ABCF1: variants seen among roughly 807,000 people sequenced by gnomAD.
ABCF1 encodes the protein ATP binding cassette subfamily F member 1, also known as ATP-binding cassette sub-family F member 1.
A neutral mutation model predicts 126.3 loss-of-function variants in ABCF1; 73 were observed. That is an observed-to-expected ratio of 0.58 (90% CI 0.48 to 0.70). ABCF1 has a LOEUF of 0.70. Among genes scored for constraint, ABCF1 ranks in the 30% least tolerant of loss-of-function variants. The pLI, the probability that ABCF1 is intolerant of heterozygous loss-of-function variation, is 0.00. For synonymous variants in ABCF1, 345 were observed against 396.4 expected, an observed-to-expected ratio of 0.87 and a Z score of 1.54; for missense variants, 786 against 1,057.5, an observed-to-expected ratio of 0.74 and a Z score of 3.56.
chr6:30,584,459 G>T lies in ABCF1; in HGVS notation c.1284G>T (p.Glu428Asp), dbSNP rs1159413189. ...ELRATGAAAAEAKARRILAGL... is the reference protein window; with the variant it reads ...ELRATGAAAADAKARRILAGL... ...GGGCCACTGGGGCGGCAGCTGCAGA[G>T]GCCAAAGCACGGCGGATCCTGGCTG... Residue 428 changes from glutamate (E) to aspartate (D), a missense_variant, in exon 14 of 25, where the codon GAG becomes GAT. Physicochemically the swap from Glu to Asp is conservative, Grantham distance 45. This residue lies in a region of ABCF1 where 163 missense variants were observed against 255.3 expected (regional missense o/e 0.64). Coordinates refer to ENST00000326195, the MANE Select transcript of ABCF1 (RefSeq NM_001025091.2). This position sits in a 1 kb window ranked among gnomAD's most constrained non-coding sequence, Gnocchi z 4.6. The T allele has an allele frequency of 3.1e-6, 5 of 1,612,998 alleles. No individual in the cohort carries two copies.
Position 30,586,111 on chromosome 6 carries a change from T to C in ABCF1, c.1714-23T>C, listed in dbSNP as rs962408251. 6.2e-7 allele frequency: 1 copy of C among 1,607,252 alleles called. No individual in the cohort carries two copies. Among genetic ancestry groups the C allele is most frequent in the Non-Finnish European group, 8.5e-7 (1 of 1,177,638 alleles). ...GACTGCCGCGCAGGGCTCAGGTTTC[T>C]CTTTTTTCCTCTTCCTCTCCAGGAA... On this transcript the variant is annotated intron_variant, in intron 17 of 24. Transcript: ENST00000326195. The surrounding 1 kb of genome is among the most constrained non-coding windows in gnomAD (Gnocchi z 4.9).
intron 1 of ABCF1, 76 bp from the exon 2 acceptor site, chr6:30,577,333 A>G: frequency 7.2e-7 from 1 of 1,389,624 alleles, no homozygotes; most frequent in Non-Finnish European, 1.0e-6. Flanking sequence ...TAGAGGCTAC[A>G]GAGATCTTTG....
At position 30,590,774 on chromosome 6, in the gene ABCF1, T is replaced by A; in HGVS notation, c.*73T>A. Reference sequence around the variant, plus strand: ...AAGTCCTCTGTGGTCTCCCCTCCTCTGAAGACTGCCTCTGGCCTGCAGCTG... The same window carrying A: ...AAGTCCTCTGTGGTCTCCCCTCCTCAGAAGACTGCCTCTGGCCTGCAGCTG... On this transcript the variant is annotated 3_prime_UTR_variant, in exon 25 of 25. Coordinates refer to ENST00000326195, the MANE Select transcript of ABCF1 (RefSeq NM_001025091.2). 6.7e-7 allele frequency: 1 copy of A among 1,496,990 alleles called. No homozygotes were observed. The highest frequency in any genetic ancestry group is 1.4e-5 in the African/African-American group (1 of 71,578). 92.7% of individuals were successfully genotyped at this position (1,496,990 alleles called of 1,614,324 possible).
chr6:30,583,973 T>C lies in ABCF1; in HGVS notation c.1102+83T>C. 2.6e-6 allele frequency: 4 copies of C among 1,526,476 alleles called. No individual in the cohort carries two copies. Among genetic ancestry groups the C allele is most frequent in the Non-Finnish European group, 3.6e-6 (4 of 1,110,504 alleles). 94.6% of individuals were successfully genotyped at this position (1,526,476 alleles called of 1,614,324 possible). On this transcript the variant is annotated intron_variant, in intron 12 of 24. Coordinates refer to ENST00000326195, the MANE Select transcript of ABCF1 (RefSeq NM_001025091.2). The surrounding 1 kb of genome is among the most constrained non-coding windows in gnomAD (Gnocchi z 4.1). ...AGCCAGCCAAGAATAGAAGAAATTG[T>C]GGCTATGGAGTTGGAAGGGATGTGG...
Position 30,585,289 on chromosome 6 carries a change from T to TGCTG in ABCF1, c.1423_1426dup (p.Asp476AlafsTer3). On this transcript the variant is annotated frameshift_variant, in exon 15 of 25. Coordinates refer to ENST00000326195, the MANE Select transcript of ABCF1 (RefSeq NM_001025091.2). LOFTEE classifies it high-confidence loss of function. Reference sequence around the variant, plus strand: ...CTGTTCATGGAGCCCACACTGCTGATGCTGGATGAGCCCACCAACCACCTG... The same window carrying TGCTG: ...CTGTTCATGGAGCCCACACTGCTGATGCTGGCTGGATGAGCCCACCAACCACCTG... 2 of 1,613,646 alleles carry TGCTG rather than the reference T, an allele frequency of 1.2e-6. No individual in the cohort carries two copies. Among genetic ancestry groups the TGCTG allele is most frequent in the Non-Finnish European group, 1.7e-6 (2 of 1,180,020 alleles).
chr6:30,578,130 G>C lies in ABCF1; in HGVS notation c.271G>C (p.Asp91His), dbSNP rs143964760. ...KGRRKKDVDDDGEEKELMERL... is the reference protein window; with the variant it reads ...KGRRKKDVDDHGEEKELMERL... The stretch of plus-strand genomic sequence containing the variant: ...CAGGCGGAAGAAGGATGTGGATGAT[G>C]ATGGAGAAGAGAAAGAGCTCATGGA... The change falls in exon 4 of 25, where the codon GAT (aspartate) becomes CAT (histidine). Residue 91 changes from aspartate (D) to histidine (H), a missense_variant. This residue lies in a region of ABCF1 where 322 missense variants were observed against 322.9 expected (regional missense o/e 1.00). Coordinates refer to ENST00000326195, the MANE Select transcript of ABCF1 (RefSeq NM_001025091.2). 1.2e-6 allele frequency: 2 copies of C among 1,614,162 alleles called. No homozygotes were observed. Among genetic ancestry groups the C allele is most frequent in the Non-Finnish European group, 1.7e-6 (2 of 1,180,038 alleles).
At position 30,586,212 on chromosome 6, in the gene ABCF1, G is replaced by T. The variant is rs1405269465; in HGVS notation, c.1792G>T (p.Ala598Ser). 6.2e-7 allele frequency: 1 copy of T among 1,614,056 alleles called. No homozygotes were observed. The highest frequency in any genetic ancestry group is 1.3e-5 in the African/African-American group (1 of 75,026). ...RKNQDEESQEAPELLKRPKEY... is the reference protein window; with the variant it reads ...RKNQDEESQESPELLKRPKEY... ...AAACCAAGATGAGGAATCCCAGGAG[G>T]CCCCTGAGCTCCTGAAGCGCCCTAA... The change falls in exon 18 of 25, where the codon GCC becomes TCC. Residue 598 changes from alanine (A) to serine (S), a missense_variant. Ala to Ser is a moderately conservative substitution (Grantham distance 99). Around this residue, in one of 4 missense-constraint regions of ABCF1, gnomAD observed 288 missense variants for 423.5 expected, o/e 0.68. Coordinates refer to ENST00000326195, the MANE Select transcript of ABCF1 (RefSeq NM_001025091.2). This position sits in a 1 kb window ranked among gnomAD's most constrained non-coding sequence, Gnocchi z 4.9.
intron 1 of ABCF1, among the ~76,000 whole-genome samples, chr6:30,575,557 G>C (rs184789357): frequency 6.6e-6 from 1 of 151,894 alleles, no homozygotes; most frequent in Non-Finnish European, 1.5e-5. Flanking sequence ...GGATGGAGAG[G>C]GGGAGAGCTA....
chr6:30,572,963 T>C (rs1382302598), intron 1 of ABCF1, among the ~76,000 whole-genome samples: 1 of 152,180 alleles, frequency 6.6e-6, no homozygotes, highest in Non-Finnish European at 1.5e-5. Flanking sequence ...AGACAGATAA[T>C]GAAAGGCTTT....
intron 2 of ABCF1, 147 bp downstream of exon 2, chr6:30,577,602 T>A: frequency 9.1e-7 from 1 of 1,102,934 alleles, no homozygotes; most frequent in Non-Finnish European, 1.3e-6. Context: ...CTTACACCTG[T>A]AATCCCAGCG....
intron 1 of ABCF1, 133 bp downstream of exon 1, chr6:30,571,693 C>A (rs557131663): frequency 5.0e-6 from 5 of 1,000,876 alleles, no homozygotes; most frequent in Admixed American, 5.2e-5. Flanking sequence ...GTGCCGTGGG[C>A]CCGGGAGGAG....
At position 30,583,870 on chromosome 6, in the gene ABCF1, A is replaced by G. The variant is rs1423179581; in HGVS notation, c.1082A>G (p.Asp361Gly). The G allele has an allele frequency of 1.2e-6, 2 of 1,613,914 alleles. No homozygotes were observed. The highest frequency in any genetic ancestry group is 1.7e-5 in the Admixed American group (1 of 59,980). ...GCCCTGAGCATCCCTCCCAACATTG[A>G]TGTGTTGCTGTGTGAGCAGGGTGAG... ...NRALSIPPNI[D>G]VLLCEQEVVA... Residue 361 changes from aspartate to glycine, a missense_variant, in exon 12 of 25, where the codon GAT becomes GGT. By Grantham distance (94) the Asp-to-Gly change is moderately conservative. Coordinates refer to ENST00000326195, the MANE Select transcript of ABCF1 (RefSeq NM_001025091.2). This position sits in a 1 kb window ranked among gnomAD's most constrained non-coding sequence, Gnocchi z 4.1.
In ABCF1 at chr6:30,584,084, T is replaced by C; in HGVS notation, c.1103-108T>C. On this transcript the variant is annotated intron_variant, in intron 12 of 24. Transcript: ENST00000326195. This position sits in a 1 kb window ranked among gnomAD's most constrained non-coding sequence, Gnocchi z 4.6. ...TTGAGAGTGTTTTATTTGGAACAAG[T>C]ACAAAGAGCTGGGCAGGGTCAGGCA... 6.7e-7 allele frequency: 1 copy of C among 1,487,170 alleles called. No homozygotes were observed. Among genetic ancestry groups the C allele is most frequent in the East Asian group, 2.3e-5 (1 of 43,218 alleles). 92.1% of individuals were successfully genotyped at this position (1,487,170 alleles called of 1,614,324 possible).
Position 30,586,648 on chromosome 6 carries a change from T to C in ABCF1, c.1968T>C (p.Ile656=). The stretch of plus-strand genomic sequence containing the variant: ...CTGTCTTCCATCTTGCAGTTTGCAT[T>C]GTGGGCCCTAATGGTGTGGGGAAGA... ...FGIDMDSRIC[I]VGPNGVGKST... is the part of the protein sequence containing the mutation. Residue 656 remains isoleucine (I), a synonymous_variant, in exon 20 of 25, where the codon ATT becomes ATC. Coordinates refer to ENST00000326195, the MANE Select transcript of ABCF1 (RefSeq NM_001025091.2). This position sits in a 1 kb window ranked among gnomAD's most constrained non-coding sequence, Gnocchi z 4.9. The C allele has an allele frequency of 6.2e-7, 1 of 1,613,672 alleles. No individual in the cohort carries two copies. The highest frequency in any genetic ancestry group is 8.5e-7 in the Non-Finnish European group (1 of 1,180,018).
intron 1 of ABCF1, among the ~76,000 whole-genome samples, chr6:30,571,804 A>G (rs1194206282): frequency 1.3e-5 from 2 of 152,066 alleles, no homozygotes; most frequent in African/African-American, 4.8e-5. Flanking sequence ...GAAAGAGCAT[A>G]TGGCACCGAG....
At position 30,584,249 on chromosome 6, in the gene ABCF1, G is replaced by A. The variant is rs866488428; in HGVS notation, c.1160G>A (p.Arg387Gln). 2.5e-6 allele frequency: 4 copies of A among 1,613,140 alleles called. No individual in the cohort carries two copies. The highest frequency in any genetic ancestry group is 1.7e-5 in the Admixed American group (1 of 60,018). The stretch of plus-strand genomic sequence containing the variant: ...GCTGTTCTTCGAGCTGACACCAAGC[G>A]ATTGAAGCTGCTGGAAGAGGAGCGG... ...VQAVLRADTK[R>Q]LKLLEEERRL... Residue 387 changes from arginine (R) to glutamine (Q), a missense_variant, in exon 13 of 25, where the codon CGA (arginine) becomes CAA (glutamine). Arg to Gln is a conservative substitution (Grantham distance 43). Transcript: ENST00000326195. The surrounding 1 kb of genome is among the most constrained non-coding windows in gnomAD (Gnocchi z 4.6).
At chr6:30,577,569 A>G (rs1402400700) in intron 2 of ABCF1, 114 bp downstream of exon 2, 3 of 1,333,936 alleles carry the variant, frequency 2.2e-6, no homozygotes, top group Non-Finnish European at 3.1e-6. Context: ...TTGTCAAGAG[A>G]GGAGATAGGC....
At chr6:30,572,754 G>A (rs768757500) in intron 1 of ABCF1, among the ~76,000 whole-genome samples, 14 of 152,212 alleles carry the variant, frequency 9.2e-5, no homozygotes, top group Non-Finnish European at 2.1e-4. Context: ...TCCTGCCTCA[G>A]CCTCCAAAAG....
intron 1 of ABCF1, among the ~76,000 whole-genome samples, chr6:30,573,188 TAA>T (rs1426116292): frequency 6.6e-6 from 1 of 152,078 alleles, no homozygotes; most frequent in African/African-American, 2.4e-5. Flanking sequence ...GCCTGAAGAA[TAA>T]AGAGTTACTA....
Sources: gnomAD v4.1 joint callset for allele counts (sites outside exome capture counted in the v4.1 genomes callset) on GRCh38, gnomAD v4.1.1 for gene constraint, gnomAD v4.1.1 regional missense constraint, Gnocchi (gnomAD v3.1) non-coding constraint, MANE v1.5 for transcripts, NCBI Gene and HGNC (gene_info 2026-07-23, HGNC 2026-07-21) for gene names.